Variants in PCDHA6 observed in about 807,000 individuals in gnomAD.
PCDHA6 encodes the protein protocadherin alpha 6.
In PCDHA6, 55 loss-of-function variants were observed where a neutral mutation model predicts 60.3. That is an observed-to-expected ratio of 0.91 (90% confidence interval 0.73 to 1.14). The LOEUF is 1.14. PCDHA6 is among the 50% of genes most tolerant of loss of function. The pLI, the probability that PCDHA6 is intolerant of heterozygous loss-of-function variation, is 0.00. For missense variants in PCDHA6, 1,327 were observed against 1,256.5 expected (o/e 1.06, Z -0.85); for synonymous variants, 652 against 557.9 (o/e 1.17, Z -2.38).
chr5:140,937,950 T>C (rs1483679576), intron 1 of PCDHA6, among the ~76,000 whole-genome samples: 1 of 152,164 alleles, frequency 6.6e-6, no homozygotes, highest in African/African-American at 2.4e-5. Flanking sequence ...AATTGGCTTT[T>C]GTTGAAAGTA....
At chr5:140,835,628 C>T (rs2150239805) in intron 1 of PCDHA6, 1 of 1,613,890 alleles carries the variant, frequency 6.2e-7, no homozygotes, top group Admixed American at 1.7e-5. Context: ...CTCTGGACCG[C>T]GAGAGTGTGT....
chr5:140,833,852 G>A (rs1262329896), intron 1 of PCDHA6, among the ~76,000 whole-genome samples: 1 of 152,108 alleles, frequency 6.6e-6, no homozygotes, highest in South Asian at 2.1e-4. Context: ...CTTAACAAGC[G>A]ATACTGAATC....
At chr5:141,008,837 C>T (rs1460664317) in intron 3 of PCDHA6, among the ~76,000 whole-genome samples, 10 of 152,178 alleles carry the variant, frequency 6.6e-5, no homozygotes, top group South Asian at 2.1e-4. Flanking sequence ...CATCCTCTTA[C>T]GCTGTGTATT....
At chr5:140,966,900 G>A (rs376213042) in intron 1 of PCDHA6, 1 of 1,598,684 alleles carries the variant, frequency 6.3e-7, no homozygotes, top group Non-Finnish European at 8.5e-7. Flanking sequence ...TCCCAGCTGC[G>A]ATACTCTGTG....
In PCDHA6 at chr5:140,877,291, C is replaced by G. The variant is rs527823173; in HGVS notation, c.2394+46806C>G. On this transcript the variant is annotated intron_variant, in intron 1 of 3. Coordinates refer to ENST00000529310, the MANE Select transcript of PCDHA6 (RefSeq NM_018909.4). ...CGCTGACTCCGGCTATAACGCTTGG[C>G]TGTCCTACGAGTTGCAACCGGCGGC... 4 of 1,613,932 alleles carry G rather than the reference C, an allele frequency of 2.5e-6. No homozygotes were observed. In the African/African-American group the frequency reaches 4.0e-5, roughly 16 times the overall value.
At chr5:140,927,470 G>T in intron 1 of PCDHA6, 3 of 1,614,054 alleles carry the variant, frequency 1.9e-6, no homozygotes, top group South Asian at 2.2e-5. Flanking sequence ...GCACTGGATC[G>T]CGAACAGCGC....
chr5:140,928,149 T>C, intron 1 of PCDHA6: 2 of 1,614,194 alleles, frequency 1.2e-6, no homozygotes, highest in Non-Finnish European at 8.5e-7. Flanking sequence ...CGGCCTCAGA[T>C]AGTGGCTCAC....
At chr5:140,859,848 G>C (rs1455422999) in intron 1 of PCDHA6, 1 of 151,860 alleles carries the variant, frequency 6.6e-6, no homozygotes, top group South Asian at 2.1e-4. Flanking sequence ...TTATCAAATA[G>C]GTTTATGAAA....
intron 3 of PCDHA6, among the ~76,000 whole-genome samples, chr5:141,008,031 T>C (rs566619568): frequency 1.3e-5 from 2 of 152,336 alleles, no homozygotes; most frequent in Admixed American, 6.5e-5. Flanking sequence ...TTCTTGTTAA[T>C]CTGCCTTTTG....
intron 1 of PCDHA6, chr5:140,877,743 G>A: frequency 6.2e-7 from 1 of 1,614,148 alleles, no homozygotes; most frequent in Non-Finnish European, 8.5e-7. Context: ...GGAGGCAGAG[G>A]GTGTGCTCTG....
chr5:140,890,836 C>A (rs1189670490), intron 1 of PCDHA6, among the ~76,000 whole-genome samples: 1 of 151,884 alleles, frequency 6.6e-6, no homozygotes, highest in Admixed American at 6.6e-5. Flanking sequence ...ACATATTTAC[C>A]AGTTTTGTTT....
At chr5:140,870,564 G>C (rs782511789) in intron 1 of PCDHA6, 83 of 1,613,882 alleles carry the variant, frequency 5.1e-5, no homozygotes, top group Admixed American at 3.3e-4. Context: ...AGGAGAACGC[G>C]CTGGTGTCCT....
chr5:141,006,127 C>CA (rs2098257011), intron 3 of PCDHA6, among the ~76,000 whole-genome samples: 1 of 147,760 alleles, frequency 6.8e-6, no homozygotes, highest in Admixed American at 6.7e-5. Flanking sequence ...TTTCTCAAGG[C>CA]AGTAGAAAGC....
chr5:141,001,488 ATGCTAGCCCAGGT>A (rs1261759985), intron 3 of PCDHA6, among the ~76,000 whole-genome samples: 3 of 152,210 alleles, frequency 2.0e-5, no homozygotes, highest in Non-Finnish European at 4.4e-5. Flanking sequence ...AGTGCTGGAA[ATGCTAGCCCAGGT>A]GGGCTTAGCT....
At chr5:140,882,325 G>A (rs2059066855) in intron 1 of PCDHA6, 1 of 1,614,182 alleles carries the variant, frequency 6.2e-7, no homozygotes, top group Non-Finnish European at 8.5e-7. Context: ...TCTGGCTTCT[G>A]ATCCTCGCAG....
chr5:140,867,991 T>G (rs1379820729), intron 1 of PCDHA6: 8 of 152,164 alleles, frequency 5.3e-5, no homozygotes, highest in Non-Finnish European at 8.8e-5. Flanking sequence ...ACTATTTTCA[T>G]GAATATAACT....
Position 140,862,369 on chromosome 5 carries a change from C to A in PCDHA6, c.2394+31884C>A, listed in dbSNP as rs1265761765. On this transcript the variant is annotated intron_variant, in intron 1 of 3. Coordinates refer to ENST00000529310, the MANE Select transcript of PCDHA6 (RefSeq NM_018909.4). ...GTGCCAAGGGACAGACGACCCGCAC[C>A]CTGACTCCTCACGTCTCTTCAAGCT... The A allele has an allele frequency of 1.8e-5, 6 of 341,324 alleles. No individual in the cohort carries two copies. In the Admixed American group the frequency reaches 2.3e-4, roughly 13 times the overall value. The allele number at this position is 341,324 out of a possible 1,614,324, so 21.1% of individuals were successfully genotyped here. A position where few individuals can be genotyped will look rare whatever the true frequency, so the allele number is the denominator to read the frequency against.
chr5:140,883,520 G>A (rs1554178526), intron 1 of PCDHA6: 1 of 1,614,222 alleles, frequency 6.2e-7, no homozygotes, highest in Non-Finnish European at 8.5e-7. Context: ...CCGCGAGAGC[G>A]TATCAGCCTA....
At chr5:140,852,885 A>T in intron 1 of PCDHA6, 5 of 778,116 alleles carry the variant, frequency 6.4e-6, no homozygotes, top group Non-Finnish European at 7.9e-6. Context: ...CATAAAACGT[A>T]TTTTTTTTTT....
Sources: allele counts gnomAD v4.1 joint callset (sites outside exome capture counted in the v4.1 genomes callset), GRCh38; gene constraint gnomAD v4.1.1; transcripts MANE v1.5; gene names NCBI Gene and HGNC (gene_info 2026-07-23, HGNC 2026-07-21).